Variants in MDGA2 observed in about 807,000 individuals in gnomAD.
MDGA2 encodes MAM domain-containing glycosylphosphatidylinositol anchor protein 2.
MDGA2 carries 40 observed loss-of-function variants against 117.8 expected under a neutral mutation model. That is an observed-to-expected ratio of 0.34 (90% CI 0.26 to 0.44). The LOEUF (loss-of-function observed/expected upper bound fraction) is 0.44, where lower values mean the gene tolerates loss of function less well. MDGA2 is among the 20% of genes least tolerant of loss of function. The pLI is 1.00. For synonymous variants in MDGA2, 452 were observed against 439.0 expected (o/e 1.03, Z -0.37); for missense variants, 1,123 against 1,250.6 (o/e 0.90, Z 1.54).
intron 3 of MDGA2, among the ~76,000 whole-genome samples, chr14:47,175,737 C>A (rs1343016144): frequency 6.8e-6 from 1 of 146,016 alleles, no homozygotes; most frequent in African/African-American, 2.6e-5. Flanking sequence ...TGAAAACTGG[C>A]ACAAGACAGG....
intron 1 of MDGA2, among the ~76,000 whole-genome samples, chr14:47,536,613 G>C (rs1018560967): frequency 6.6e-6 from 1 of 152,206 alleles, no homozygotes; most frequent in Non-Finnish European, 1.5e-5. Context: ...ACCGTTGTAA[G>C]AAATAATTGG....
At chr14:47,506,139 A>C (rs1894506874) in intron 1 of MDGA2, among the ~76,000 whole-genome samples, 1 of 152,202 alleles carries the variant, frequency 6.6e-6, no homozygotes, top group Non-Finnish European at 1.5e-5. Context: ...TTCTCTATAA[A>C]GAAAGTAATT....
chr14:47,540,563 T>TATATATATACATATACATACACAC (rs370481455), intron 1 of MDGA2, among the ~76,000 whole-genome samples: 1 of 112,522 alleles, frequency 8.9e-6, no homozygotes, highest in African/African-American at 2.9e-5. Context: ...TGTATATATA[T>TATATATATACATATACATACACAC]ACACACACAC....
At chr14:47,375,384 G>A (rs750268667) in intron 1 of MDGA2, among the ~76,000 whole-genome samples, 1 of 151,926 alleles carries the variant, frequency 6.6e-6, no homozygotes, top group Non-Finnish European at 1.5e-5. Flanking sequence ...GGCAGGTGAT[G>A]GGAATAACTT....
chr14:47,540,403 C>T (rs1009727386), intron 1 of MDGA2, among the ~76,000 whole-genome samples: 14 of 151,994 alleles, frequency 9.2e-5, no homozygotes, highest in African/African-American at 3.1e-4. Flanking sequence ...ACTGATACTT[C>T]CTGTCCCCTT....
At chr14:47,350,146 C>A (rs1890847471) in intron 1 of MDGA2, among the ~76,000 whole-genome samples, 2 of 152,180 alleles carry the variant, frequency 1.3e-5, no homozygotes, top group South Asian at 4.1e-4. Flanking sequence ...CTTTACTACT[C>A]CCCCAGGACA....
intron 1 of MDGA2, among the ~76,000 whole-genome samples, chr14:47,426,983 ATAGT>A (rs1362365778): frequency 6.6e-6 from 1 of 152,032 alleles, no homozygotes; most frequent in South Asian, 2.1e-4. Context: ...CAAAGTAATA[ATAGT>A]TAGCAAGGAC....
chr14:47,492,690 C>T (rs898076263), intron 1 of MDGA2, among the ~76,000 whole-genome samples: 1 of 152,044 alleles, frequency 6.6e-6, no homozygotes. Context: ...TTTGACAGGA[C>T]AGTTAAGTAT....
At chr14:47,006,630 G>A (rs763879757) in intron 8 of MDGA2, among the ~76,000 whole-genome samples, 1 of 151,328 alleles carries the variant, frequency 6.6e-6, no homozygotes, top group Non-Finnish European at 1.5e-5. Context: ...CCATATTAGG[G>A]AAGCTGATGA....
chr14:46,926,296 C>T (rs1403931898), intron 9 of MDGA2, among the ~76,000 whole-genome samples: 1 of 151,854 alleles, frequency 6.6e-6, no homozygotes, highest in Non-Finnish European at 1.5e-5. Flanking sequence ...GGAAAGAATT[C>T]CACAAAAGAC....
rs552275851 is a variant in MDGA2, at chr14:47,241,319, G to C, written c.421-23124C>G. On this transcript the variant is annotated intron_variant, in intron 2 of 16. Transcript: ENST00000399232. ...TGGTGAAACCATTGCTCTCCTTCAGGCTCCATGCACTTTTAGATAAACATC... is the reference window on the plus strand; with the variant it reads ...TGGTGAAACCATTGCTCTCCTTCAGCCTCCATGCACTTTTAGATAAACATC... 2.9e-4 allele frequency among the ~76,000 whole-genome samples: 44 copies of C among 151,890 alleles called. 1 individual carries two copies. The East Asian group carries it at 8.3e-3, about 29-fold the overall frequency.
chr14:47,229,729 C>A (rs1421367256), intron 2 of MDGA2, among the ~76,000 whole-genome samples: 1 of 151,410 alleles, frequency 6.6e-6, no homozygotes, highest in East Asian at 1.9e-4. Context: ...TTAAACTGGG[C>A]CTTTAATGGC....
intron 8 of MDGA2, chr14:46,960,390 T>C (rs573361785): frequency 6.6e-6 from 1 of 152,216 alleles, no homozygotes; most frequent in South Asian, 2.1e-4. Context: ...ATCTATCATA[T>C]CTTTAGTGAA....
At chr14:47,485,726 C>T (rs1215944506) in intron 1 of MDGA2, among the ~76,000 whole-genome samples, 8 of 152,072 alleles carry the variant, frequency 5.3e-5, no homozygotes, top group Non-Finnish European at 1.0e-4. Context: ...GTTCCAGCTG[C>T]GGCTGAAAGG....
intron 7 of MDGA2, among the ~76,000 whole-genome samples, chr14:47,041,364 C>G (rs1033415276): frequency 1.3e-5 from 2 of 151,994 alleles, no homozygotes; most frequent in Non-Finnish European, 2.9e-5. Context: ...AAAATTGTCT[C>G]ATAATGAAAA....
chr14:47,423,737 A>C (rs980306985), intron 1 of MDGA2, among the ~76,000 whole-genome samples: 4 of 152,172 alleles, frequency 2.6e-5, no homozygotes, highest in Non-Finnish European at 5.9e-5. Flanking sequence ...TAAGATTGTT[A>C]AAGTCAAAAG....
At chr14:47,329,274 T>C (rs879835800) in intron 1 of MDGA2, among the ~76,000 whole-genome samples, 12 of 152,132 alleles carry the variant, frequency 7.9e-5, no homozygotes, top group South Asian at 6.2e-4. Flanking sequence ...AGACAAACAA[T>C]GTAGCTTAGC....
At chr14:47,565,147 T>C (rs565382089) in intron 1 of MDGA2, among the ~76,000 whole-genome samples, 1 of 152,222 alleles carries the variant, frequency 6.6e-6, no homozygotes, top group African/African-American at 2.4e-5. Flanking sequence ...GAACCACTGC[T>C]CTGGGGAAGT....
At chr14:47,480,057 AAAT>A (rs2138632737) in intron 1 of MDGA2, among the ~76,000 whole-genome samples, 1 of 142,668 alleles carries the variant, frequency 7.0e-6, no homozygotes, top group East Asian at 2.2e-4. Flanking sequence ...CAAATATCAT[AAAT>A]AATGTGGTTC....
Sources: allele counts gnomAD v4.1 joint callset (sites outside exome capture counted in the v4.1 genomes callset), GRCh38; gene constraint gnomAD v4.1.1; transcripts MANE v1.5; gene names NCBI Gene and HGNC (gene_info 2026-07-23, HGNC 2026-07-21).